The following ZCCHC2 variants were observed in gnomAD, a reference collection of about 807,000 sequenced individuals.
The protein encoded by ZCCHC2 is zinc finger CCHC domain-containing protein 2.
A neutral mutation model predicts 103.6 loss-of-function variants in ZCCHC2; 39 were observed. The observed-to-expected ratio is 0.38, with a 90% CI of 0.29 to 0.49. The LOEUF is 0.49. ZCCHC2 is among the 20% of genes least tolerant of loss of function. ZCCHC2 has a pLI of 0.96. For missense variants in ZCCHC2, 1,483 were observed against 1,491.0 expected, an observed-to-expected ratio of 0.99 and a Z score of 0.09; for synonymous variants, 687 against 608.9, an observed-to-expected ratio of 1.13 and a Z score of -1.89.
At chr18:62,580,011 G>A (rs1458459971), downstream of ZCCHC2, among the ~76,000 whole-genome samples, 4 of 152,168 alleles carry the variant, frequency 2.6e-5, no homozygotes, top group Non-Finnish European at 1.5e-5. Context: ...GATTACAGGC[G>A]TTAGCCACTG....
At chr18:62,583,756 A>G (rs1917095350) in intron 14 of ZCCHC2, among the ~76,000 whole-genome samples, 1 of 152,074 alleles carries the variant, frequency 6.6e-6, no homozygotes, top group African/African-American at 2.4e-5. Context: ...ATATGAAGAA[A>G]TGGGGTCCCT....
chr18:62,552,585 C>T (rs936020564), intron 5 of ZCCHC2: 5 of 152,106 alleles, frequency 3.3e-5, no homozygotes, highest in African/African-American at 1.2e-4. Flanking sequence ...CAAAAAATGG[C>T]TCTCAGCTAG....
At chr18:62,560,533 GT>G (rs1322558447) in intron 7 of ZCCHC2, 53 bp from the exon 8 acceptor site, 3 of 1,451,888 alleles carry the variant, frequency 2.1e-6, no homozygotes, top group Non-Finnish European at 2.9e-6. Flanking sequence ...GCATCCTACT[GT>G]TGGTTTTTGC....
chr18:62,527,392 ATAG>A (rs1398600380), intron 1 of ZCCHC2, among the ~76,000 whole-genome samples: 2 of 152,190 alleles, frequency 1.3e-5, no homozygotes, highest in African/African-American at 4.8e-5. Flanking sequence ...TACAATGTTA[ATAG>A]TTGAGGTATA....
At chr18:62,542,018 G>T (rs936453115) in intron 2 of ZCCHC2, among the ~76,000 whole-genome samples, 1 of 151,834 alleles carries the variant, frequency 6.6e-6, no homozygotes, top group Non-Finnish European at 1.5e-5. Context: ...CCTCAGCTTG[G>T]TATATTACTT....
At chr18:62,583,480 G>C (rs1917087634), downstream of ZCCHC2, among the ~76,000 whole-genome samples, 1 of 152,154 alleles carries the variant, frequency 6.6e-6, no homozygotes, top group Admixed American at 6.5e-5. Context: ...TAAAATACCT[G>C]TTTTCTTAAC....
intron 9 of ZCCHC2, among the ~76,000 whole-genome samples, chr18:62,563,892 G>T (rs554017372): frequency 6.6e-6 from 1 of 152,168 alleles, no homozygotes; most frequent in Non-Finnish European, 1.5e-5. Flanking sequence ...GCTTTCTTAA[G>T]ATTTGGGTGT....
chr18:62,564,607 A>G lies in ZCCHC2; in HGVS notation c.1723A>G (p.Lys575Glu). The G allele has an allele frequency of 6.5e-7, 1 of 1,545,190 alleles. No homozygotes were observed. ...AAAACGGAGTTTATCTTCAATAAAT[A>G]AGAAGAAAGGAAAGCCACAAACAGA... ...AEKRSLSSIN[K>E]KKGKPQTEKE... is the part of the protein sequence containing the mutation. Residue 575 changes from lysine (K) to glutamate (E), a missense_variant, in exon 10 of 14, where the codon AAG becomes GAG. Physicochemically the swap from Lys to Glu is moderately conservative, Grantham distance 56 (BLOSUM62 1). Around this residue, in one of 3 missense-constraint regions of ZCCHC2, gnomAD observed 884 missense variants for 907.5 expected, o/e 0.97. Transcript: ENST00000269499.
intron 1 of ZCCHC2, chr18:62,526,095 T>C (rs1473976288): frequency 6.6e-6 from 1 of 152,224 alleles, no homozygotes. Flanking sequence ...CTTTTCTTTC[T>C]TTAAATTTTG....
At chr18:62,571,604 A>T (rs530299210) in intron 12 of ZCCHC2, among the ~76,000 whole-genome samples, 2 of 152,256 alleles carry the variant, frequency 1.3e-5, no homozygotes, top group African/African-American at 2.4e-5. Context: ...TGGAGGTGAG[A>T]TCTCTTTAAA....
At chr18:62,537,119 G>A (rs1914961391) in intron 1 of ZCCHC2, among the ~76,000 whole-genome samples, 1 of 152,076 alleles carries the variant, frequency 6.6e-6, no homozygotes. Flanking sequence ...AAACAGAAAT[G>A]CTATACCCAT....
Position 62,575,371 on chromosome 18 carries a change from G to T in ZCCHC2, c.3290G>T (p.Gly1097Val), listed in dbSNP as rs757277626. Residue 1097 changes from glycine to valine, a missense_variant, in exon 13 of 14, where the codon GGC becomes GTC. Physicochemically the swap from Gly to Val is moderately radical, Grantham distance 109. This residue lies in a region of ZCCHC2 where 884 missense variants were observed against 907.5 expected (regional missense o/e 0.97). Transcript: ENST00000269499. ...GTCATGGGGAGCCAAGCCAACTATG[G>T]CATGCAGCAGATGGCAGGATTTGGG... is the stretch of plus-strand genomic sequence containing the variant. ...DPVMGSQANY[G>V]MQQMAGFGRF... The T allele has an allele frequency of 6.2e-7, 1 of 1,613,932 alleles. No individual in the cohort carries two copies. Among genetic ancestry groups the T allele is most frequent in the South Asian group, 1.1e-5 (1 of 91,070 alleles).
At chr18:62,567,442 C>T (rs1292155422) in intron 11 of ZCCHC2, among the ~76,000 whole-genome samples, 1 of 152,188 alleles carries the variant, frequency 6.6e-6, no homozygotes, top group Non-Finnish European at 1.5e-5. Flanking sequence ...GTTTTAACTT[C>T]TGTTTTGAGT....
chr18:62,523,575 G>A lies in ZCCHC2; in HGVS notation c.151G>A (p.Ala51Thr). Residue 51 changes from alanine (A) to threonine (T), a missense_variant, in exon 1 of 14, where the codon GCG (alanine) becomes ACG (threonine). Physicochemically the swap from Ala to Thr is moderately conservative, Grantham distance 58 (BLOSUM62 0). Around this residue, in one of 3 missense-constraint regions of ZCCHC2, gnomAD observed 568 missense variants for 525.1 expected, o/e 1.08. Transcript: ENST00000269499. ...CRPPPPPPPP[A>T]GPSRGPLPPP... Reference sequence around the variant, plus strand: ...CCCCCCGCCGCCGCCGCCGCCGCCCGCGGGCCCGTCGCGGGGCCCTCTGCC... The same window carrying A: ...CCCCCCGCCGCCGCCGCCGCCGCCCACGGGCCCGTCGCGGGGCCCTCTGCC... The A allele has an allele frequency of 1.1e-6, 1 of 922,658 alleles. No individual in the cohort carries two copies. Among genetic ancestry groups the A allele is most frequent in the Non-Finnish European group, 1.3e-6 (1 of 789,606 alleles). The allele number at this position is 922,658 out of a possible 1,614,324, so 57.2% of individuals were successfully genotyped here.
rs1470998169 is a variant in ZCCHC2, at chr18:62,574,497, C to T, written c.2416C>T (p.Pro806Ser). The T allele has an allele frequency of 6.2e-7, 1 of 1,613,884 alleles. No individual in the cohort carries two copies. The highest frequency in any genetic ancestry group is 8.5e-7 in the Non-Finnish European group (1 of 1,179,908). ...AACCTTCCTTCCACACAGTAGTACTCCCGCTTTGCATCTTACAGTTCAGAG... is the reference window on the plus strand; with the variant it reads ...AACCTTCCTTCCACACAGTAGTACTTCCGCTTTGCATCTTACAGTTCAGAG... ...PSTFLPHSST[P>S]ALHLTVQRLK... The change falls in exon 13 of 14, where the codon CCC becomes TCC. Residue 806 changes from proline (P) to serine (S), a missense_variant. Transcript: ENST00000269499.
chr18:62,575,229 A>T lies in ZCCHC2; in HGVS notation c.3148A>T (p.Thr1050Ser). ...AATGTACCGAGTCCCTTCATTCTTTACTCTGCCATCCATTTGCAATGGCAG... is the reference window on the plus strand; with the variant it reads ...AATGTACCGAGTCCCTTCATTCTTTTCTCTGCCATCCATTTGCAATGGCAG... Reference protein sequence around the residue: ...GPMYRVPSFFTLPSICNGSYL... With the variant: ...GPMYRVPSFFSLPSICNGSYL... Residue 1050 changes from threonine (T) to serine (S), a missense_variant, in exon 13 of 14, where the codon ACT becomes TCT. Physicochemically the swap from Thr to Ser is moderately conservative, Grantham distance 58. This residue lies in a region of ZCCHC2 where 884 missense variants were observed against 907.5 expected (regional missense o/e 0.97). Coordinates refer to ENST00000269499, the MANE Select transcript of ZCCHC2 (RefSeq NM_017742.6). 1 of 1,613,836 alleles carries T rather than the reference A, an allele frequency of 6.2e-7. No homozygotes were observed. Among genetic ancestry groups the T allele is most frequent in the South Asian group, 1.1e-5 (1 of 91,076 alleles).
In ZCCHC2 at chr18:62,570,236, G is replaced by C; in HGVS notation, c.1975+5G>C. On this transcript the variant is annotated splice_donor_5th_base_variant and intron_variant, in intron 12 of 13. Transcript: ENST00000269499. ...GTGAAGAAGAGAAAGACAGAGGTTT[G>C]CTCTTTGAAGTGGGAGTATTGTTGG... 1.2e-6 allele frequency: 2 copies of C among 1,610,422 alleles called. No individual in the cohort carries two copies. Among genetic ancestry groups the C allele is most frequent in the Non-Finnish European group, 1.7e-6 (2 of 1,178,220 alleles).
chr18:62,560,977 A>C (rs1213616637), intron 8 of ZCCHC2, among the ~76,000 whole-genome samples: 1 of 152,192 alleles, frequency 6.6e-6, no homozygotes, highest in African/African-American at 2.4e-5. Context: ...GGTCCCAAAC[A>C]ATTTGAGGAC....
Position 62,523,452 on chromosome 18 carries a change from C to A in ZCCHC2, c.28C>A (p.Pro10Thr), listed in dbSNP as rs1239000094. 2.7e-6 allele frequency: 3 copies of A among 1,102,244 alleles called. No homozygotes were observed. The highest frequency in any genetic ancestry group is 3.4e-6 in the Non-Finnish European group (3 of 892,310). The allele number at this position is 1,102,244 out of a possible 1,614,324, so 68.3% of individuals were successfully genotyped here. Residue 10 changes from proline (P) to threonine (T), a missense_variant, in exon 1 of 14, where the codon CCA (proline) becomes ACA (threonine). Coordinates refer to ENST00000269499, the MANE Select transcript of ZCCHC2 (RefSeq NM_017742.6). ...GCTGAGGATGAAGCTGCCGCTGAAG[C>A]CAACGCACCCCGCGGAGCCGCCGCC... MLRMKLPLK[P>T]THPAEPPPEA...
Sources: allele counts gnomAD v4.1 joint callset (sites outside exome capture counted in the v4.1 genomes callset), GRCh38; gene constraint gnomAD v4.1.1; regional missense constraint gnomAD v4.1.1; transcripts MANE v1.5; gene names NCBI Gene and HGNC (gene_info 2026-07-23, HGNC 2026-07-21).